The following MARCHF3 variants were observed in gnomAD, a reference collection of about 807,000 sequenced individuals.
MARCHF3 encodes the protein E3 ubiquitin-protein ligase MARCHF3.
A neutral mutation model predicts 24.2 loss-of-function variants in MARCHF3; 13 were observed. The observed-to-expected ratio is 0.54, with a 90% CI of 0.35 to 0.85. The LOEUF is 0.85. Among genes scored for constraint, MARCHF3 ranks in the 40% least tolerant of loss-of-function variants. The pLI is 0.01. For synonymous variants in MARCHF3, 144 were observed against 137.3 expected, an observed-to-expected ratio of 1.05 and a Z score of -0.34; for missense variants, 276 against 325.0, an observed-to-expected ratio of 0.85 and a Z score of 1.16.
At chr5:126,996,877 T>G (rs1200703709) in intron 1 of MARCHF3, among the ~76,000 whole-genome samples, 7 of 151,902 alleles carry the variant, frequency 4.6e-5, no homozygotes, top group Non-Finnish European at 1.0e-4. Context: ...CGCAGAAGAG[T>G]ATATGTAATA....
At chr5:126,974,144 G>A (rs1446017956) in intron 1 of MARCHF3, among the ~76,000 whole-genome samples, 3 of 151,918 alleles carry the variant, frequency 2.0e-5, no homozygotes, top group African/African-American at 4.8e-5. Context: ...TGATCCACCC[G>A]CCTCAGCCTC....
chr5:126,952,066 C>T (rs1439861611), intron 1 of MARCHF3, among the ~76,000 whole-genome samples: 3 of 152,102 alleles, frequency 2.0e-5, no homozygotes, highest in Non-Finnish European at 4.4e-5. Context: ...AGGCTGGTCT[C>T]GAACTCCTGA....
At chr5:126,873,512 C>T (rs1021496275) in intron 4 of MARCHF3, among the ~76,000 whole-genome samples, 11 of 151,978 alleles carry the variant, frequency 7.2e-5, no homozygotes, top group Non-Finnish European at 1.6e-4. Flanking sequence ...CACCTGGGAG[C>T]TTGTTAGAAT....
intron 1 of MARCHF3, among the ~76,000 whole-genome samples, chr5:126,935,601 C>CTTTTTTTTTT (rs202058243): frequency 1.4e-5 from 1 of 70,592 alleles, no homozygotes; most frequent in Non-Finnish European, 2.7e-5. Context: ...GTATATATGG[C>CTTTTTTTTTT]TTTTTTTTTT....
intron 1 of MARCHF3, among the ~76,000 whole-genome samples, chr5:127,028,562 G>C (rs1333264974): frequency 7.2e-6 from 1 of 138,560 alleles, no homozygotes. Context: ...ATTAAGGTAG[G>C]TTTTTTTTTT....
intron 1 of MARCHF3, among the ~76,000 whole-genome samples, chr5:126,942,220 ATTAG>A (rs1387126595): frequency 3.9e-5 from 6 of 152,232 alleles, no homozygotes; most frequent in Admixed American, 6.5e-5. Flanking sequence ...TAGAGAATCT[ATTAG>A]TTATTCTAGG....
intron 1 of MARCHF3, among the ~76,000 whole-genome samples, chr5:127,020,246 T>A (rs1752751415): frequency 6.6e-6 from 1 of 152,194 alleles, no homozygotes; most frequent in African/African-American, 2.4e-5. Context: ...GGAGTTTCAA[T>A]AGAGATCACA....
intron 3 of MARCHF3, among the ~76,000 whole-genome samples, chr5:126,901,709 T>C (rs537305085): frequency 1.3e-5 from 2 of 152,174 alleles, no homozygotes; most frequent in African/African-American, 4.8e-5. Flanking sequence ...ATGCATATTC[T>C]ATAACTCTGC....
chr5:126,974,474 G>C (rs1048765223), intron 1 of MARCHF3, among the ~76,000 whole-genome samples: 15 of 152,144 alleles, frequency 9.9e-5, no homozygotes, highest in African/African-American at 3.6e-4. Flanking sequence ...TTGCTCTCTG[G>C]GTAATCAGAG....
In MARCHF3 at chr5:126,915,124, C is replaced by T; in HGVS notation, c.199G>A (p.Asp67Asn). 6.2e-7 allele frequency: 1 copy of T among 1,613,572 alleles called. No homozygotes were observed. The highest frequency in any genetic ancestry group is 8.5e-7 in the Non-Finnish European group (1 of 1,180,010). The change falls in exon 3 of 5, where the codon GAC becomes AAC. Residue 67 changes from aspartate (D) to asparagine (N), a missense_variant. Physicochemically the swap from Asp to Asn is conservative, Grantham distance 23. Coordinates refer to ENST00000308660, the MANE Select transcript of MARCHF3 (RefSeq NM_178450.5). ...RTLATQSPFNDRPMCRICHEG... is the reference protein window; with the variant it reads ...RTLATQSPFNNRPMCRICHEG... ...TGGCAGATCCTGCACATCGGCCGGTCATTGAAGGGGCTGCAAGAGAAGGAG... is the reference window on the plus strand; with the variant it reads ...TGGCAGATCCTGCACATCGGCCGGTTATTGAAGGGGCTGCAAGAGAAGGAG...
intron 3 of MARCHF3, among the ~76,000 whole-genome samples, chr5:126,896,085 G>A (rs536507123): frequency 2.6e-5 from 4 of 152,250 alleles, no homozygotes; most frequent in South Asian, 4.1e-4. Flanking sequence ...GGTGCCGTCC[G>A]TCACCCCTTT....
intron 3 of MARCHF3, among the ~76,000 whole-genome samples, chr5:126,880,451 A>C (rs1482570538): frequency 6.6e-6 from 1 of 152,224 alleles, no homozygotes; most frequent in Non-Finnish European, 1.5e-5. Context: ...ATGTGTTGTC[A>C]TGCCACCTCA....
intron 1 of MARCHF3, among the ~76,000 whole-genome samples, chr5:126,996,199 G>C (rs1435103526): frequency 6.6e-6 from 1 of 152,154 alleles, no homozygotes; most frequent in Non-Finnish European, 1.5e-5. Flanking sequence ...ATAGAGGAAA[G>C]AGCAGGAGAG....
chr5:126,929,411 C>T (rs1171545686), intron 1 of MARCHF3, among the ~76,000 whole-genome samples: 1 of 152,208 alleles, frequency 6.6e-6, no homozygotes, highest in East Asian at 1.9e-4. Context: ...GTACACAATT[C>T]TAAGGGTCTA....
chr5:126,909,775 C>T (rs887221307), intron 3 of MARCHF3, among the ~76,000 whole-genome samples: 10 of 152,176 alleles, frequency 6.6e-5, no homozygotes, highest in African/African-American at 2.2e-4. Context: ...CCGTCTTCTG[C>T]GTTGCTCACG....
chr5:126,999,637 AG>A (rs1233158052), intron 1 of MARCHF3, among the ~76,000 whole-genome samples: 6 of 152,292 alleles, frequency 3.9e-5, no homozygotes, highest in African/African-American at 1.2e-4. Context: ...TGGCCACTTT[AG>A]GGGGGCAGAG....
At position 126,936,126 on chromosome 5, in the gene MARCHF3, G is replaced by GATGATGAGAA. The variant is rs1749637773; in HGVS notation, c.-56-17900_-56-17899insTTCTCATCAT. Among the ~76,000 whole-genome samples the GATGATGAGAA allele has an allele frequency of 3.9e-5, 6 of 152,184 alleles. No homozygotes were observed. In the South Asian group the frequency reaches 1.2e-3, roughly 32 times the overall value. On this transcript the variant is annotated intron_variant, in intron 1 of 4. Transcript: ENST00000308660. ...AGATGACATGGGCTTTTTTGAGAGT[G>GATGATGAGAA]GGTGATGAGCCTTCACACCTCCGGA...
rs79690422 is a variant in MARCHF3 at position 126,869,678 on chromosome 5, G to A, written c.*955C>T. 4,475 of 140,726 alleles carry A rather than the reference G, an allele frequency of 0.032. 86 individuals are homozygous for A. The highest frequency in any genetic ancestry group is 0.06 in the Middle Eastern group (13 of 216). 8.7% of individuals were successfully genotyped at this position (140,726 alleles called of 1,614,324 possible). ...TAATTGACATGCAAAACAGGTCTAGGGTTCCTAGAAATGTCTAATGATCCT... is the reference window on the plus strand; with the variant it reads ...TAATTGACATGCAAAACAGGTCTAGAGTTCCTAGAAATGTCTAATGATCCT... On this transcript the variant is annotated 3_prime_UTR_variant, in exon 5 of 5. Transcript: ENST00000308660.
At chr5:126,946,369 C>CAAAAA (rs951644505) in intron 1 of MARCHF3, 2 of 65,758 alleles carry the variant, frequency 3.0e-5, no homozygotes, top group African/African-American at 6.4e-5. Context: ...GAGATTCTGT[C>CAAAAA]AAAAAAAAAA....
Sources: allele counts gnomAD v4.1 joint callset (sites outside exome capture counted in the v4.1 genomes callset), GRCh38; gene constraint gnomAD v4.1.1; transcripts MANE v1.5; gene names NCBI Gene and HGNC (gene_info 2026-07-23, HGNC 2026-07-21).